ASAP2: variants seen among roughly 807,000 people sequenced by gnomAD.
ASAP2 encodes the protein ArfGAP with SH3 domain, ankyrin repeat and PH domain 2.
ASAP2 carries 45 observed loss-of-function variants against 131.4 expected under a neutral mutation model. That is an observed-to-expected ratio of 0.34 (90% CI 0.27 to 0.44). ASAP2 has a LOEUF of 0.44. ASAP2 is among the 20% of genes least tolerant of loss of function. The pLI, the probability that ASAP2 is intolerant of heterozygous loss-of-function variation, is 1.00. For missense variants in ASAP2, 1,011 were observed against 1,297.0 expected, an observed-to-expected ratio of 0.78 and a Z score of 3.39; for synonymous variants, 510 against 503.0, an observed-to-expected ratio of 1.01 and a Z score of -0.19.
chr2:9,277,450 A>T (rs917860470), intron 1 of ASAP2, among the ~76,000 whole-genome samples: 12 of 152,242 alleles, frequency 7.9e-5, no homozygotes, highest in African/African-American at 2.9e-4. Flanking sequence ...AGAGATAACC[A>T]CTTGGGAAAA....
intron 12 of ASAP2, 47 bp downstream of exon 12, chr2:9,350,942 C>G (rs552091040): frequency 6.9e-7 from 1 of 1,455,856 alleles, no homozygotes; most frequent in African/African-American, 1.4e-5. Flanking sequence ...TTGTCTTATG[C>G]TCTCCTCTGG....
At chr2:9,402,862 C>T (rs1483482824) in intron 27 of ASAP2, among the ~76,000 whole-genome samples, 2 of 152,202 alleles carry the variant, frequency 1.3e-5, no homozygotes, top group Non-Finnish European at 2.9e-5. Context: ...CAACTTATAC[C>T]TTTGCCACTT....
At chr2:9,279,485 GCTAGACTC>G (rs1450476696) in intron 2 of ASAP2, 96 bp downstream of exon 2, 2 of 1,113,630 alleles carry the variant, frequency 1.8e-6, no homozygotes, top group South Asian at 1.3e-5. Flanking sequence ...AAATGAGCCA[GCTAGACTC>G]CTTTATCGGG....
rs763281481 is a variant in ASAP2, at chr2:9,207,154, A to G, written c.50A>G (p.Asp17Gly). 1 of 1,605,728 alleles carries G rather than the reference A, an allele frequency of 6.2e-7. No individual in the cohort carries two copies. The highest frequency in any genetic ancestry group is 1.1e-5 in the South Asian group (1 of 90,200). ...VSEFVAETHE[D>G]YKAPTASSFT... ...GAATTCGTGGCCGAGACCCATGAGG[A>G]CTACAAGGCGCCCACGGCCTCCAGC... Residue 17 changes from aspartate to glycine, a missense_variant, in exon 1 of 28, where the codon GAC (aspartate) becomes GGC (glycine). By Grantham distance (94) the Asp-to-Gly change is moderately conservative (BLOSUM62 -1). Around this residue, in one of 2 missense-constraint regions of ASAP2, gnomAD observed 359 missense variants for 598.1 expected, o/e 0.60. Transcript: ENST00000281419. The surrounding 1 kb of genome is among the most constrained non-coding windows in gnomAD (Gnocchi z 4.1).
At chr2:9,399,785 C>T (rs796960062) in intron 24 of ASAP2, 25 of 557,938 alleles carry the variant, frequency 4.5e-5, no homozygotes, top group Middle Eastern at 4.9e-4. Flanking sequence ...GGCAGGCTCA[C>T]GTGGACAGAG....
chr2:9,210,327 G>C (rs188281188), intron 1 of ASAP2, among the ~76,000 whole-genome samples: 3 of 152,322 alleles, frequency 2.0e-5, no homozygotes, highest in Admixed American at 6.5e-5. Flanking sequence ...TTAAAGTCTG[G>C]TTAATAATAC....
intron 1 of ASAP2, among the ~76,000 whole-genome samples, chr2:9,249,789 G>A (rs980439161): frequency 7.9e-5 from 12 of 151,454 alleles, no homozygotes; most frequent in African/African-American, 1.4e-4. Flanking sequence ...GGGCAGGGCC[G>A]TGTGGGGATA....
At chr2:9,225,600 T>C (rs1170018239) in intron 1 of ASAP2, among the ~76,000 whole-genome samples, 1 of 151,976 alleles carries the variant, frequency 6.6e-6, no homozygotes, top group Non-Finnish European at 1.5e-5. Flanking sequence ...TTCAGAAGGT[T>C]GTGGGGAAAT....
At chr2:9,267,403 T>G (rs1259842720) in intron 1 of ASAP2, among the ~76,000 whole-genome samples, 1 of 152,200 alleles carries the variant, frequency 6.6e-6, no homozygotes, top group African/African-American at 2.4e-5. Context: ...GTGTTTGTTT[T>G]TTTGTTCCTG....
intron 1 of ASAP2, among the ~76,000 whole-genome samples, chr2:9,259,092 C>T (rs746680633): frequency 5.9e-5 from 9 of 152,220 alleles, no homozygotes; most frequent in South Asian, 2.1e-4. Context: ...GCCCGTGGGA[C>T]GGAGGTTCAG....
chr2:9,303,958 C>A (rs963561029), intron 3 of ASAP2, among the ~76,000 whole-genome samples: 1 of 152,194 alleles, frequency 6.6e-6, no homozygotes, highest in African/African-American at 2.4e-5. Context: ...GCTATCCATG[C>A]GCTGGTGCTG....
chr2:9,243,538 T>G (rs997279561), intron 1 of ASAP2, among the ~76,000 whole-genome samples: 9 of 152,246 alleles, frequency 5.9e-5, no homozygotes, highest in African/African-American at 2.2e-4. Context: ...AATATCTGCT[T>G]TCTGTACGTC....
chr2:9,390,336 T>C (rs1675620858), intron 22 of ASAP2, among the ~76,000 whole-genome samples: 1 of 152,240 alleles, frequency 6.6e-6, no homozygotes, highest in Non-Finnish European at 1.5e-5. Context: ...CTCGAAGGCT[T>C]CCTCTGGACC....
intron 2 of ASAP2, among the ~76,000 whole-genome samples, chr2:9,288,817 C>T (rs1301580202): frequency 6.6e-6 from 1 of 152,114 alleles, no homozygotes; most frequent in African/African-American, 2.4e-5. Context: ...CAACCCCCTT[C>T]TCCTTCCCTG....
At position 9,307,810 on chromosome 2, in the gene ASAP2, C is replaced by G. The variant is rs113202473; in HGVS notation, c.345+10365C>G. On this transcript the variant is annotated intron_variant, in intron 3 of 27. Coordinates refer to ENST00000281419, the MANE Select transcript of ASAP2 (RefSeq NM_003887.3). The stretch of plus-strand genomic sequence containing the variant: ...TTGATCTTTCAGTTTGTGTTAAACA[C>G]TTAGGATCAGCATGGGCTCCCCCTT... Among the ~76,000 whole-genome samples the G allele has an allele frequency of 1.0e-2, 1,520 of 152,292 alleles. 29 individuals carry two copies. Among genetic ancestry groups the G allele is most frequent in the African/African-American group, 0.035 (1,446 of 41,540 alleles).
Position 9,342,835 on chromosome 2 carries a change from G to A in ASAP2, c.850-1697G>A, listed in dbSNP as rs183526645. The stretch of plus-strand genomic sequence containing the variant: ...TCTAGCTTCCCTGGGTGCTGACCAC[G>A]TGACCGTGACCTCCCTGTGTCTTCT... On this transcript the variant is annotated intron_variant, in intron 9 of 27. Transcript: ENST00000281419. 2.9e-3 allele frequency among the ~76,000 whole-genome samples: 443 copies of A among 152,302 alleles called. 3 individuals carry two copies. The highest frequency in any genetic ancestry group is 0.01 in the African/African-American group (427 of 41,552).
intron 14 of ASAP2, among the ~76,000 whole-genome samples, chr2:9,357,176 T>TTA (rs1672764749): frequency 7.0e-6 from 1 of 142,174 alleles, no homozygotes; most frequent in African/African-American, 2.6e-5. Context: ...TTGGATCCAT[T>TTA]AAAAAAAAAA....
intron 1 of ASAP2, among the ~76,000 whole-genome samples, chr2:9,252,435 A>C (rs1489355426): frequency 6.6e-6 from 1 of 152,128 alleles, no homozygotes; most frequent in Admixed American, 6.5e-5. Flanking sequence ...ACAGAAAATT[A>C]GCTGGGCATG....
In ASAP2 at chr2:9,320,589, A is replaced by G. The variant is rs188075539; in HGVS notation, c.470+252A>G. Among the ~76,000 whole-genome samples the G allele has an allele frequency of 7.9e-5, 12 of 152,324 alleles. No homozygotes were observed. In the East Asian group the frequency reaches 2.3e-3, roughly 29 times the overall value. On this transcript the variant is annotated intron_variant, in intron 5 of 27. Coordinates refer to ENST00000281419, the MANE Select transcript of ASAP2 (RefSeq NM_003887.3). The stretch of plus-strand genomic sequence containing the variant: ...TAGGATGTTATTTTCAGGAAAGTTC[A>G]TTGAGGGAAGTTAAGACCAATTTCT...
Sources: allele counts gnomAD v4.1 joint callset (sites outside exome capture counted in the v4.1 genomes callset), GRCh38; gene constraint gnomAD v4.1.1; regional missense constraint gnomAD v4.1.1; non-coding constraint Gnocchi (gnomAD v3.1); transcripts MANE v1.5; gene names NCBI Gene and HGNC (gene_info 2026-07-23, HGNC 2026-07-21).